Variants in COL27A1 observed in about 807,000 individuals in gnomAD.
COL27A1 encodes the protein collagen alpha-1(XXVII) chain.
Under a neutral mutation model 251.3 loss-of-function variants are expected in COL27A1, and 106 were observed. The ratio of observed to expected loss-of-function variants is 0.42; its 90% CI spans 0.36 to 0.50. COL27A1 has a LOEUF of 0.50. COL27A1 is among the 20% of genes least tolerant of loss of function. The probability of loss-of-function intolerance (pLI) is 0.00; values close to 1 mark genes in which losing one functional copy is unlikely to be tolerated. For missense variants in COL27A1, 2,325 were observed against 2,522.8 expected, an observed-to-expected ratio of 0.92 and a Z score of 1.68; for synonymous variants, 1,000 against 986.3, an observed-to-expected ratio of 1.01 and a Z score of -0.26.
chr9:114,302,813 T>C (rs16927975), intron 56 of COL27A1, among the ~76,000 whole-genome samples: 4,451 of 151,486 alleles, frequency 0.029, 163 homozygotes, highest in African/African-American at 0.086. Context: ...TGGCCCTATC[T>C]GAGAGCATGA....
At chr9:114,226,306 C>A (rs1831462888) in intron 14 of COL27A1, among the ~76,000 whole-genome samples, 1 of 152,208 alleles carries the variant, frequency 6.6e-6, no homozygotes, top group African/African-American at 2.4e-5. Context: ...AGATACCCCA[C>A]CACCTGGCAT....
chr9:114,222,345 G>A, intron 14 of COL27A1, 78 bp downstream of exon 14: 1 of 1,359,656 alleles, frequency 7.4e-7, no homozygotes, highest in Non-Finnish European at 1.0e-6. Flanking sequence ...GGAGCCAGGA[G>A]CAGGCCCTGC....
At chr9:114,289,120 G>T in intron 44 of COL27A1, 122 bp from the exon 45 acceptor site, 1 of 1,382,544 alleles carries the variant, frequency 7.2e-7, no homozygotes, top group South Asian at 1.3e-5. Context: ...TGACCCTGGG[G>T]ATGCCCCCAG....
intron 37 of COL27A1, among the ~76,000 whole-genome samples, chr9:114,279,286 C>T (rs114964705): frequency 0.014 from 2,106 of 152,292 alleles, 16 homozygotes; most frequent in Middle Eastern, 0.02. Context: ...GCCTCAGTTC[C>T]TTTAGCTCCA....
intron 2 of COL27A1, among the ~76,000 whole-genome samples, chr9:114,166,341 TTTCATGC>T (rs1848857247): frequency 1.0e-5 from 1 of 97,060 alleles, no homozygotes; most frequent in Non-Finnish European, 2.2e-5. Context: ...TCATCTATCC[TTTCATGC>T]ATCCATGTAT....
chr9:114,190,672 A>G (rs1028274973), intron 5 of COL27A1, among the ~76,000 whole-genome samples: 7 of 152,220 alleles, frequency 4.6e-5, no homozygotes, highest in African/African-American at 1.7e-4. Flanking sequence ...ACCTGCAGGA[A>G]AGGTATTCAC....
intron 10 of COL27A1, 183 bp from the exon 11 acceptor site, chr9:114,209,492 C>G (rs1445598669): frequency 1.3e-6 from 1 of 780,000 alleles, no homozygotes; most frequent in Admixed American, 1.7e-5. Context: ...ACCATGCAGT[C>G]CATGGGCATA....
At chr9:114,288,805 AG>A in intron 43 of COL27A1, 50 bp downstream of exon 43, 3 of 1,601,460 alleles carry the variant, frequency 1.9e-6, no homozygotes, top group South Asian at 1.1e-5. Flanking sequence ...TGTCAGGGAG[AG>A]GGGGGATGAC....
rs375423473 is a variant in COL27A1, at chr9:114,264,404, T to C, written c.3245T>C (p.Leu1082Pro). 1.1e-5 allele frequency: 17 copies of C among 1,584,632 alleles called. No individual in the cohort carries two copies. Among genetic ancestry groups the C allele is most frequent in the Admixed American group, 3.5e-5 (2 of 56,984 alleles). The change falls in exon 29 of 61, where the codon CTG becomes CCG. Residue 1082 changes from leucine to proline, a missense_variant. This residue lies in a region of COL27A1 where 662 missense variants were observed against 795.3 expected (regional missense o/e 0.83). Coordinates refer to ENST00000356083, the MANE Select transcript of COL27A1 (RefSeq NM_032888.4). Reference protein sequence around the residue: ...GPAGEQGSRGLKGPPGPQGRP... With the variant: ...GPAGEQGSRGPKGPPGPQGRP... ...GCTGGGGAGCAAGGGTCCAGGGGCC[T>C]GAAGGTACCGACCCCTAGGACCTGC...
rs1849133252 is a variant in COL27A1 at position 114,169,215 on chromosome 9, C to T, written c.1660C>T (p.Pro554Ser). The change falls in exon 3 of 61, where the codon CCT (proline) becomes TCT (serine). Residue 554 changes from proline (P) to serine (S), a missense_variant. By Grantham distance (74) the Pro-to-Ser change is moderately conservative. Transcript: ENST00000356083. ...KAGPKSSPRK[P>S]VPLRPGKAAR... ...CGGACCCAAGAGCAGCCCCCGGAAG[C>T]CTGTCCCCCTCAGACCTGGGAAGGC... 1.9e-6 allele frequency: 3 copies of T among 1,614,072 alleles called. No homozygotes were observed. Among genetic ancestry groups the T allele is most frequent in the East Asian group, 4.5e-5 (2 of 44,874 alleles).
At chr9:114,293,322 T>C (rs1012625175) in intron 49 of COL27A1, among the ~76,000 whole-genome samples, 1 of 152,100 alleles carries the variant, frequency 6.6e-6, no homozygotes, top group African/African-American at 2.4e-5. Flanking sequence ...AAAAGAGATG[T>C]TAGTATTTTG....
chr9:114,206,530 G>T (rs916505175), intron 10 of COL27A1, among the ~76,000 whole-genome samples: 3 of 152,222 alleles, frequency 2.0e-5, no homozygotes, highest in African/African-American at 7.2e-5. Flanking sequence ...TCTGCTGGGG[G>T]TTTGGCCACA....
intron 34 of COL27A1, 33 bp from the exon 35 acceptor site, chr9:114,269,208 C>T (rs750672062): frequency 3.2e-6 from 5 of 1,551,100 alleles, no homozygotes; most frequent in Non-Finnish European, 4.4e-6. Flanking sequence ...TGGCCCTACC[C>T]ACCCGCAAGG....
At chr9:114,212,518 T>A (rs970041333) in intron 12 of COL27A1, among the ~76,000 whole-genome samples, 3 of 152,216 alleles carry the variant, frequency 2.0e-5, no homozygotes, top group Non-Finnish European at 4.4e-5. Context: ...TAGGTAGTGC[T>A]GAATCTAAGA....
upstream of COL27A1, among the ~76,000 whole-genome samples, chr9:114,154,972 T>C (rs1256861347): frequency 6.6e-6 from 1 of 151,414 alleles, no homozygotes; most frequent in African/African-American, 2.4e-5. The surrounding 1 kb of genome is among the most constrained non-coding windows in gnomAD (Gnocchi z 5.8). Flanking sequence ...TCTGGGGAGG[T>C]GCGTGGTTAG....
At position 114,300,822 on chromosome 9, in the gene COL27A1, A is replaced by C. The variant is rs1588894732; in HGVS notation, c.4701+135A>C. The C allele has an allele frequency of 8.9e-6, 7 of 790,866 alleles. No homozygotes were observed. The East Asian group carries it at 2.0e-4, about 22-fold the overall frequency. 49.0% of individuals were successfully genotyped at this position (790,866 alleles called of 1,614,324 possible). ...CTTTCTGCCCACAGGCCTGGTTCCC[A>C]CCTTCACTCCTGCCGTTCCCACCAG... On this transcript the variant is annotated intron_variant, in intron 51 of 60. Transcript: ENST00000356083.
At chr9:114,201,266 T>G (rs1676122425) in intron 7 of COL27A1, among the ~76,000 whole-genome samples, 1 of 152,144 alleles carries the variant, frequency 6.6e-6, no homozygotes, top group Admixed American at 6.5e-5. Context: ...GATCGCAAAC[T>G]GGAAAGTCAC....
At chr9:114,237,110 C>T (rs1047771759) in intron 18 of COL27A1, 76 bp downstream of exon 18, 6 of 1,388,812 alleles carry the variant, frequency 4.3e-6, no homozygotes, top group Non-Finnish European at 4.9e-6. Flanking sequence ...GGGACACCTT[C>T]ACCTCCAAGA....
At chr9:114,189,488 A>G (rs796895201) in intron 5 of COL27A1, among the ~76,000 whole-genome samples, 10 of 152,308 alleles carry the variant, frequency 6.6e-5, no homozygotes, top group African/African-American at 2.2e-4. Flanking sequence ...ATTCTATCAG[A>G]TGAACCTTAT....
Sources: gnomAD v4.1 joint callset for allele counts (sites outside exome capture counted in the v4.1 genomes callset) on GRCh38, gnomAD v4.1.1 for gene constraint, gnomAD v4.1.1 regional missense constraint, Gnocchi (gnomAD v3.1) non-coding constraint, MANE v1.5 for transcripts, NCBI Gene and HGNC (gene_info 2026-07-23, HGNC 2026-07-21) for gene names.